TMEM131L: variants seen among roughly 807,000 people sequenced by gnomAD.
TMEM131L encodes transmembrane 131 like.
A neutral mutation model predicts 192.2 loss-of-function variants in TMEM131L; 54 were observed. That is an observed-to-expected ratio of 0.28 (90% CI 0.23 to 0.35). The LOEUF (loss-of-function observed/expected upper bound fraction) is 0.35, where lower values mean the gene tolerates loss of function less well. Ranked by LOEUF, TMEM131L falls within the 10% of genes least tolerant of loss-of-function variation. TMEM131L has a pLI of 1.00. For synonymous variants in TMEM131L, 701 were observed against 704.9 expected (o/e 0.99, Z 0.09); for missense variants, 1,888 against 1,972.9 (o/e 0.96, Z 0.82).
At position 153,621,700 on chromosome 4, in the gene TMEM131L, A is replaced by T. The variant is rs1375344341; in HGVS notation, c.3710A>T (p.Asp1237Val). ...APVSRPPEQS[D>V]LKLVCSDFER... ...TTTTCCAGGCCTCCTGAACAGAGTG[A>T]TCTAAAGCTTGTGTGCAGTGACTTT... The change falls in exon 28 of 35, where the codon GAT becomes GTT. Residue 1237 changes from aspartate (D) to valine (V), a missense_variant. Physicochemically the swap from Asp to Val is radical, Grantham distance 152. Coordinates refer to ENST00000409959, the MANE Select transcript of TMEM131L (RefSeq NM_001131007.2). 8.7e-6 allele frequency: 14 copies of T among 1,614,110 alleles called. No individual in the cohort carries two copies. Among genetic ancestry groups the T allele is most frequent in the Non-Finnish European group, 1.2e-5 (14 of 1,180,022 alleles).
At chr4:153,615,194 T>C (rs1406427834) in intron 26 of TMEM131L, among the ~76,000 whole-genome samples, 1 of 152,226 alleles carries the variant, frequency 6.6e-6, no homozygotes, top group Non-Finnish European at 1.5e-5. Flanking sequence ...CTCAAAGAGT[T>C]GTGAAGATTA....
At chr4:153,511,446 G>A (rs1245720980) in intron 3 of TMEM131L, among the ~76,000 whole-genome samples, 1 of 152,228 alleles carries the variant, frequency 6.6e-6, no homozygotes, top group East Asian at 1.9e-4. Context: ...GGAAACATAG[G>A]GTAGAACAAC....
chr4:153,495,411 C>T (rs371954247), intron 3 of TMEM131L, among the ~76,000 whole-genome samples: 4 of 151,692 alleles, frequency 2.6e-5, no homozygotes, highest in East Asian at 1.9e-4. Flanking sequence ...CCAGGGTGGT[C>T]GGGATACAGC....
At chr4:153,601,608 T>C (rs917217348) in intron 21 of TMEM131L, among the ~76,000 whole-genome samples, 2 of 152,240 alleles carry the variant, frequency 1.3e-5, no homozygotes, top group African/African-American at 4.8e-5. Flanking sequence ...TTCACAAGGA[T>C]ATTTAAAAAT....
At chr4:153,561,005 A>C (rs954684004) in intron 7 of TMEM131L, among the ~76,000 whole-genome samples, 6 of 152,208 alleles carry the variant, frequency 3.9e-5, no homozygotes, top group Non-Finnish European at 7.3e-5. Context: ...TCCCACTAGC[A>C]ATGAGGATTC....
intron 2 of TMEM131L, among the ~76,000 whole-genome samples, chr4:153,471,946 T>C (rs1178947170): frequency 6.6e-6 from 1 of 152,222 alleles, no homozygotes; most frequent in African/African-American, 2.4e-5. Flanking sequence ...CAGGAAATGA[T>C]ACACAGAGTT....
intron 3 of TMEM131L, among the ~76,000 whole-genome samples, chr4:153,508,154 T>C (rs552523383): frequency 6.6e-6 from 1 of 152,204 alleles, no homozygotes; most frequent in Non-Finnish European, 1.5e-5. Flanking sequence ...TAGCATTACC[T>C]CTGGGGAATG....
At chr4:153,492,172 TA>T (rs66561250) in intron 3 of TMEM131L, among the ~76,000 whole-genome samples, 45,467 of 143,508 alleles carry the variant, frequency 0.32, 7,652 homozygotes, top group South Asian at 0.43. Context: ...TAGCTAATTA[TA>T]AAAAAAAAAA....
Position 153,586,319 on chromosome 4 carries a change from G to C in TMEM131L, c.1422G>C (p.Leu474Phe). 1.2e-6 allele frequency: 2 copies of C among 1,603,100 alleles called. No homozygotes were observed. Among genetic ancestry groups the C allele is most frequent in the Non-Finnish European group, 1.7e-6 (2 of 1,176,256 alleles). ...TAAATCTATTCACCAATGTATTTTT[G>C]ACTACAAACATAGGTGCCATTTTTG... ...IAINLFTNVF[L>F]TTNIGAIFAI... is the part of the protein sequence containing the mutation. The change falls in exon 14 of 35, where the codon TTG (leucine) becomes TTC (phenylalanine). Residue 474 changes from leucine to phenylalanine, a missense_variant. Coordinates refer to ENST00000409959, the MANE Select transcript of TMEM131L (RefSeq NM_001131007.2).
intron 31 of TMEM131L, chr4:153,632,387 G>T: frequency 5.7e-6 from 1 of 174,290 alleles, no homozygotes; most frequent in East Asian, 1.5e-4. Context: ...TTTGTTTGTT[G>T]TTTGTCTTTG....
At chr4:153,510,071 T>G (rs1185176702) in intron 3 of TMEM131L, among the ~76,000 whole-genome samples, 1 of 152,232 alleles carries the variant, frequency 6.6e-6, no homozygotes, top group African/African-American at 2.4e-5. Context: ...GTATTAAAAT[T>G]TTGATACCTG....
At chr4:153,579,384 A>C (rs1266939974) in intron 7 of TMEM131L, among the ~76,000 whole-genome samples, 3 of 152,218 alleles carry the variant, frequency 2.0e-5, no homozygotes, top group Non-Finnish European at 4.4e-5. Flanking sequence ...TACAAATCAT[A>C]TTATTCTATT....
In TMEM131L at chr4:153,550,193, T is replaced by G. The variant is rs1737501622; in HGVS notation, c.308+52T>G. The G allele has an allele frequency of 1.0e-5, 8 of 766,616 alleles. No individual in the cohort carries two copies. In the South Asian group the frequency reaches 1.8e-4, roughly 17 times the overall value. The allele number at this position is 766,616 out of a possible 1,614,324, so 47.5% of individuals were successfully genotyped here. A position where few individuals can be genotyped will look rare whatever the true frequency, so the allele number is the denominator to read the frequency against. ...ACTCATTTTATTTATACTATTTATT[T>G]TCAGAATTTTTTTTACATATATGTA... On this transcript the variant is annotated intron_variant, in intron 4 of 34. Coordinates refer to ENST00000409959, the MANE Select transcript of TMEM131L (RefSeq NM_001131007.2).
Position 153,592,512 on chromosome 4 carries a change from C to T in TMEM131L, c.1850C>T (p.Pro617Leu), listed in dbSNP as rs201534569. 23 of 1,614,132 alleles carry T rather than the reference C, an allele frequency of 1.4e-5. No homozygotes were observed. The highest frequency in any genetic ancestry group is 5.0e-5 in the Admixed American group (3 of 60,024). The change falls in exon 18 of 35, where the codon CCG becomes CTG. Residue 617 changes from proline to leucine, a missense_variant. Transcript: ENST00000409959. ...YFVVQNPSSW[P>L]VSLQLLPLSL... is the part of the protein sequence containing the mutation. ...GTGGTGCAGAACCCGTCCTCTTGGC[C>T]GGTCTCCTTGCAGCTCCTGCCTCTC...
chr4:153,511,336 G>A (rs1465349396), intron 3 of TMEM131L, among the ~76,000 whole-genome samples: 2 of 152,162 alleles, frequency 1.3e-5, no homozygotes, highest in African/African-American at 2.4e-5. Flanking sequence ...TTGCGGGAAC[G>A]TGAATGGAGC....
At chr4:153,531,974 C>T (rs1332063748) in intron 3 of TMEM131L, among the ~76,000 whole-genome samples, 2 of 152,188 alleles carry the variant, frequency 1.3e-5, no homozygotes, top group African/African-American at 4.8e-5. Context: ...TGCATGCTAA[C>T]AGATGAAGAA....
rs1437245086 is a variant in TMEM131L at position 153,583,130 on chromosome 4, T to C, written c.893-60T>C. Reference sequence around the variant, plus strand: ...ATTATATGAAGGTGTGAGAATGAGATGGCTCTGTTTTAATCTCTGATTAAA... The same window carrying C: ...ATTATATGAAGGTGTGAGAATGAGACGGCTCTGTTTTAATCTCTGATTAAA... On this transcript the variant is annotated intron_variant, in intron 9 of 34. Coordinates refer to ENST00000409959, the MANE Select transcript of TMEM131L (RefSeq NM_001131007.2). The C allele has an allele frequency of 8.5e-6, 7 of 821,076 alleles. No individual in the cohort carries two copies. In the Admixed American group the frequency reaches 1.1e-4, roughly 13 times the overall value. 50.9% of individuals were successfully genotyped at this position (821,076 alleles called of 1,614,324 possible).
At chr4:153,605,754 A>G (rs1232833019) in intron 25 of TMEM131L, among the ~76,000 whole-genome samples, 2 of 152,208 alleles carry the variant, frequency 1.3e-5, no homozygotes, top group Non-Finnish European at 2.9e-5. Context: ...ACTTCTTGAT[A>G]TTGGAGAAGA....
In TMEM131L at chr4:153,466,394, C is replaced by A; in HGVS notation, c.-4C>A. 1 of 1,321,112 alleles carries A rather than the reference C, an allele frequency of 7.6e-7. No homozygotes were observed. 81.8% of individuals were successfully genotyped at this position (1,321,112 alleles called of 1,614,324 possible). A position where few individuals can be genotyped will look rare whatever the true frequency, so the allele number is the denominator to read the frequency against. On this transcript the variant is annotated 5_prime_UTR_variant, in exon 1 of 35. Transcript: ENST00000409959. ...GAGCAACGGAGAGGAGCGCGAGCAG[C>A]AGCATGGCGGGGCTCCGACGCCCGC... is the stretch of plus-strand genomic sequence containing the variant.
Sources: allele counts gnomAD v4.1 joint callset (sites outside exome capture counted in the v4.1 genomes callset), GRCh38; gene constraint gnomAD v4.1.1; transcripts MANE v1.5; gene names NCBI Gene and HGNC (gene_info 2026-07-23, HGNC 2026-07-21).